Variants in ITPRID2 observed in about 807,000 individuals in gnomAD.
ITPRID2 encodes the protein ITPR interacting domain containing 2.
ITPRID2 carries 60 observed loss-of-function variants against 124.3 expected under a neutral mutation model. The observed-to-expected ratio is 0.48, with a 90% CI of 0.39 to 0.60. The LOEUF (loss-of-function observed/expected upper bound fraction) is 0.60. ITPRID2 is among the 20% of genes least tolerant of loss of function. ITPRID2 has a pLI of 0.00. For missense variants in ITPRID2, 1,553 were observed against 1,512.2 expected (o/e 1.03, Z -0.45); for synonymous variants, 521 against 542.9 (o/e 0.96, Z 0.56).
intron 17 of ITPRID2, among the ~76,000 whole-genome samples, 176 bp from the exon 18 acceptor site, chr2:181,929,385 A>T (rs1212228468): frequency 6.7e-5 from 10 of 149,724 alleles, no homozygotes; most frequent in South Asian, 4.2e-4. Flanking sequence ...AATAGGAATT[A>T]TTTTTTTTAA....
intron 6 of ITPRID2, 83 bp downstream of exon 6, chr2:181,899,195 C>A: frequency 1.0e-6 from 1 of 988,366 alleles, no homozygotes. Context: ...TGGATTTGAC[C>A]TTGATCATAT....
At chr2:181,918,714 T>C (rs1034488280) in intron 12 of ITPRID2, 39 bp downstream of exon 12, 6 of 1,613,544 alleles carry the variant, frequency 3.7e-6, no homozygotes, top group Non-Finnish European at 4.2e-6. Context: ...CAAAATAATT[T>C]GTAGAATTTA....
chr2:181,901,913 C>T lies in ITPRID2; in HGVS notation c.860C>T (p.Thr287Ile), dbSNP rs1364372266. 2 of 1,613,876 alleles carry T rather than the reference C, an allele frequency of 1.2e-6. No homozygotes were observed. The highest frequency in any genetic ancestry group is 1.1e-5 in the South Asian group (1 of 91,064). Residue 287 changes from threonine (T) to isoleucine (I), a missense_variant, in exon 8 of 18, where the codon ACT becomes ATT. Coordinates refer to ENST00000431877, the MANE Select transcript of ITPRID2 (RefSeq NM_001130445.3). ...GAGACAGACCCACCTCCACCTTTAA[C>T]TCGAAGTAACACTGCAAATCGTTTA... ...NKETDPPPPLTRSNTANRLMK... is the reference protein window; with the variant it reads ...NKETDPPPPLIRSNTANRLMK...
At chr2:181,899,211 C>A in intron 6 of ITPRID2, 99 bp downstream of exon 6, 2 of 828,892 alleles carry the variant, frequency 2.4e-6, no homozygotes, top group Admixed American at 2.8e-5. Flanking sequence ...CATATGAAAT[C>A]AGAAAGAACA....
Position 181,919,556 on chromosome 2 carries a change from A to AATAAATG in ITPRID2, c.3144+111_3144+112insTAAATGA. 1 of 1,231,120 alleles carries AATAAATG rather than the reference A, an allele frequency of 8.1e-7. No homozygotes were observed. Among genetic ancestry groups the AATAAATG allele is most frequent in the Non-Finnish European group, 1.1e-6 (1 of 912,218 alleles). The allele number at this position is 1,231,120 out of a possible 1,614,324, so 76.3% of individuals were successfully genotyped here. ...AAGTCATTTATTTTAATGGTATTAAAAGCATGCATACTGTTTAAGGAGCTT... is the reference window on the plus strand; with the variant it reads ...AAGTCATTTATTTTAATGGTATTAAAATAAATGAGCATGCATACTGTTTAAGGAGCTT... On this transcript the variant is annotated intron_variant, in intron 14 of 17. Transcript: ENST00000431877. The surrounding 1 kb of genome is among the most constrained non-coding windows in gnomAD (Gnocchi z 4.2).
chr2:181,895,492 G>C (rs950284021), intron 2 of ITPRID2, among the ~76,000 whole-genome samples: 1 of 151,876 alleles, frequency 6.6e-6, no homozygotes. Context: ...TACATAAAAA[G>C]ATAGTTGTTG....
intron 16 of ITPRID2, among the ~76,000 whole-genome samples, chr2:181,925,773 G>C (rs1443405268): frequency 6.6e-6 from 1 of 152,046 alleles, no homozygotes; most frequent in Non-Finnish European, 1.5e-5. Flanking sequence ...TGGCAGTCAG[G>C]CTCCATTATA....
chr2:181,917,635 C>T (rs934943901), intron 11 of ITPRID2: 1 of 152,560 alleles, frequency 6.6e-6, no homozygotes, highest in Non-Finnish European at 1.5e-5. Context: ...ATGCCTACCC[C>T]ACCCTACACT....
At chr2:181,900,942 A>C (rs749559904) in intron 7 of ITPRID2, 38 bp downstream of exon 7, 3 of 1,483,368 alleles carry the variant, frequency 2.0e-6, no homozygotes, top group Non-Finnish European at 2.8e-6. Context: ...ATTTTCTTAA[A>C]TTATAGCATC....
At chr2:181,908,445 C>T (rs1327729020) in intron 8 of ITPRID2, among the ~76,000 whole-genome samples, 1 of 152,178 alleles carries the variant, frequency 6.6e-6, no homozygotes, top group African/African-American at 2.4e-5. Context: ...TAATAATAGA[C>T]ATTTTATTGA....
At chr2:181,897,193 G>T (rs1462226308) in intron 4 of ITPRID2, among the ~76,000 whole-genome samples, 1 of 151,906 alleles carries the variant, frequency 6.6e-6, no homozygotes, top group Non-Finnish European at 1.5e-5. Context: ...GTCTTTCTTG[G>T]ACTAAATGCT....
rs1178500426 is a variant in ITPRID2, at chr2:181,892,339, C to G, written c.211+62C>G. 1.4e-6 allele frequency: 2 copies of G among 1,469,618 alleles called. No individual in the cohort carries two copies. The highest frequency in any genetic ancestry group is 9.0e-7 in the Non-Finnish European group (1 of 1,105,308). 91.0% of individuals were successfully genotyped at this position (1,469,618 alleles called of 1,614,324 possible). A position where few individuals can be genotyped will look rare whatever the true frequency, so the allele number is the denominator to read the frequency against. On this transcript the variant is annotated intron_variant, in intron 1 of 17. Coordinates refer to ENST00000431877, the MANE Select transcript of ITPRID2 (RefSeq NM_001130445.3). The surrounding 1 kb of genome is among the most constrained non-coding windows in gnomAD (Gnocchi z 5.2). Reference sequence around the variant, plus strand: ...TGGGCTGGGGAGAGTCTCGTGCGCCCTGGGCGCCTGCCACGAGTTCTGGGA... The same window carrying G: ...TGGGCTGGGGAGAGTCTCGTGCGCCGTGGGCGCCTGCCACGAGTTCTGGGA...
At chr2:181,914,020 C>T (rs1304176023) in intron 10 of ITPRID2, 87 bp downstream of exon 10, 1 of 779,290 alleles carries the variant, frequency 1.3e-6, no homozygotes, top group African/African-American at 1.8e-5. Flanking sequence ...AATATTGAGT[C>T]TGTATAATCT....
chr2:181,917,963 T>C (rs2125103014), intron 11 of ITPRID2: 1 of 152,356 alleles, frequency 6.6e-6, no homozygotes, highest in Non-Finnish European at 1.5e-5. Context: ...GTCTTTGCCT[T>C]TCTTTGCATA....
At position 181,919,254 on chromosome 2, in the gene ITPRID2, A is replaced by G. The variant is rs148194174; in HGVS notation, c.2994-42A>G. ...AAAGATTTGTGATTAGGAATCTCCA[A>G]ACTGCATTTTTCCAATTTTGTGCCC... is the stretch of plus-strand genomic sequence containing the variant. On this transcript the variant is annotated intron_variant, in intron 13 of 17. Transcript: ENST00000431877. This position sits in a 1 kb window ranked among gnomAD's most constrained non-coding sequence, Gnocchi z 4.2. 1.3e-4 allele frequency: 216 copies of G among 1,608,846 alleles called. 1 individual carries two copies. The East Asian group carries it at 4.7e-3, about 35-fold the overall frequency.
chr2:181,928,775 G>A (rs1695054280), intron 17 of ITPRID2, among the ~76,000 whole-genome samples: 1 of 152,050 alleles, frequency 6.6e-6, no homozygotes, highest in African/African-American at 2.4e-5. Flanking sequence ...ACAGGCGCCA[G>A]CCACTACGCC....
At chr2:181,904,413 A>G (rs1042638459) in intron 8 of ITPRID2, among the ~76,000 whole-genome samples, 9 of 152,162 alleles carry the variant, frequency 5.9e-5, no homozygotes, top group African/African-American at 2.2e-4. Context: ...ATCTTCAGAT[A>G]TATTTAAAAT....
intron 8 of ITPRID2, among the ~76,000 whole-genome samples, chr2:181,904,019 G>C (rs916116864): frequency 2.0e-5 from 3 of 152,144 alleles, no homozygotes; most frequent in Admixed American, 2.0e-4. Context: ...GCGACTCCGA[G>C]TGAACAACAC....
Position 181,915,617 on chromosome 2 carries a change from A to G in ITPRID2, c.1977A>G (p.Thr659=). Reference sequence around the variant, plus strand: ...AAAGTGAATTTACTCAGTATACCACACACCATATTCTGAAATCATTGGCTT... The same window carrying G: ...AAAGTGAATTTACTCAGTATACCACGCACCATATTCTGAAATCATTGGCTT... ...SSESEFTQYT[T]HHILKSLASI... is the part of the protein sequence containing the mutation. The change falls in exon 11 of 18, where the codon ACA becomes ACG. Residue 659 remains threonine, a synonymous_variant. Transcript: ENST00000431877. 1 of 1,614,230 alleles carries G rather than the reference A, an allele frequency of 6.2e-7. No individual in the cohort carries two copies. The highest frequency in any genetic ancestry group is 8.5e-7 in the Non-Finnish European group (1 of 1,180,038).
Sources: gnomAD v4.1 joint callset for allele counts (sites outside exome capture counted in the v4.1 genomes callset) on GRCh38, gnomAD v4.1.1 for gene constraint, Gnocchi (gnomAD v3.1) non-coding constraint, MANE v1.5 for transcripts, NCBI Gene and HGNC (gene_info 2026-07-23, HGNC 2026-07-21) for gene names.